TRIM37: variants seen among roughly 807,000 people sequenced by gnomAD.
The protein encoded by TRIM37 is E3 ubiquitin-protein ligase TRIM37.
A neutral mutation model predicts 129.8 loss-of-function variants in TRIM37; 80 were observed. The observed-to-expected ratio is 0.62, with a 90% CI of 0.51 to 0.74. The LOEUF (loss-of-function observed/expected upper bound fraction) is 0.74, where lower values mean the gene tolerates loss of function less well. Ranked by LOEUF, TRIM37 falls within the 30% of genes least tolerant of loss-of-function variation. TRIM37 has a pLI of 0.00. For synonymous variants in TRIM37, 389 were observed against 387.1 expected (o/e 1.00, Z -0.06); for missense variants, 1,054 against 1,176.5 (o/e 0.90, Z 1.52).
intron 19 of TRIM37, among the ~76,000 whole-genome samples, chr17:59,024,926 CAGAAT>C (rs1483677231): frequency 6.6e-6 from 1 of 152,124 alleles, no homozygotes; most frequent in Non-Finnish European, 1.5e-5. Context: ...AAACCAAGAA[CAGAAT>C]AAACATATCC....
chr17:58,980,767 T>C, downstream of TRIM37: 1 of 1,614,186 alleles, frequency 6.2e-7, no homozygotes, highest in Non-Finnish European at 8.5e-7. The surrounding 1 kb of genome is among the most constrained non-coding windows in gnomAD (Gnocchi z 4.7). Flanking sequence ...CTAGATTGTC[T>C]CATTTACGCC....
chr17:59,084,243 T>C (rs2043557685), intron 4 of TRIM37, among the ~76,000 whole-genome samples, 154 bp from the exon 5 acceptor site: 1 of 152,218 alleles, frequency 6.6e-6, no homozygotes, highest in Non-Finnish European at 1.5e-5. Flanking sequence ...AAAAGGAAGC[T>C]AAAGAAGTTT....
chr17:59,079,958 T>G, intron 6 of TRIM37, 81 bp from the exon 7 acceptor site: 3 of 1,479,570 alleles, frequency 2.0e-6, no homozygotes, highest in East Asian at 2.3e-5. Context: ...TTGCCAAGAA[T>G]AGATAATATG....
At chr17:59,025,402 T>C (rs557216597) in intron 19 of TRIM37, among the ~76,000 whole-genome samples, 2 of 151,230 alleles carry the variant, frequency 1.3e-5, no homozygotes, top group Admixed American at 1.3e-4. Context: ...ATAATATTAT[T>C]AATATTCATG....
chr17:59,106,571 C>T lies in TRIM37; in HGVS notation c.-110G>A. The T allele has an allele frequency of 7.4e-7, 1 of 1,356,818 alleles. No homozygotes were observed. The highest frequency in any genetic ancestry group is 1.0e-6 in the Non-Finnish European group (1 of 968,472). 84.0% of individuals were successfully genotyped at this position (1,356,818 alleles called of 1,614,324 possible). On this transcript the variant is annotated 5_prime_UTR_variant, in exon 1 of 24. Transcript: ENST00000262294. ...AAATCGCCGATAAAAGCCCGGCGCC[C>T]ACGTCAGGGGGCTCTGACAACCGCC... is the stretch of plus-strand genomic sequence containing the variant.
At chr17:59,054,458 T>C (rs977235275) in intron 13 of TRIM37, among the ~76,000 whole-genome samples, 4 of 151,524 alleles carry the variant, frequency 2.6e-5, no homozygotes, top group African/African-American at 9.7e-5. Context: ...CCTGCCACCA[T>C]GCCCAGCTAA....
At chr17:59,098,460 T>C (rs1457585781) in intron 2 of TRIM37, among the ~76,000 whole-genome samples, 1 of 150,710 alleles carries the variant, frequency 6.6e-6, no homozygotes, top group African/African-American at 2.4e-5. Context: ...AGCCCAGGAG[T>C]TTGAGGCCAG....
At chr17:59,045,941 A>G (rs926121222) in intron 16 of TRIM37, among the ~76,000 whole-genome samples, 2 of 151,358 alleles carry the variant, frequency 1.3e-5, no homozygotes, top group Non-Finnish European at 2.9e-5. Flanking sequence ...ACTTGAACCC[A>G]GGAGATGGAG....
intron 1 of TRIM37, 180 bp from the exon 2 acceptor site, chr17:59,104,574 C>T: frequency 1.3e-6 from 1 of 762,934 alleles, no homozygotes; most frequent in Non-Finnish European, 2.4e-6. Flanking sequence ...GGAAAATGTA[C>T]TCCCGTTTGG....
In TRIM37 at chr17:59,028,680, T is replaced by C; in HGVS notation, c.1992A>G (p.Ala664=). ...RKDKDQRKQQ[A]MWRVPSDLKM... ...TTAAATCAGAGGGCACTCGCCACAT[T>C]GCCTGTTGCTTCCTTTGGTCTTTAT... The change falls in exon 19 of 24, where the codon GCA becomes GCG. Residue 664 remains alanine, a synonymous_variant. Coordinates refer to ENST00000262294, the MANE Select transcript of TRIM37 (RefSeq NM_015294.6). The C allele has an allele frequency of 6.2e-7, 1 of 1,614,234 alleles. No individual in the cohort carries two copies.
At position 59,015,603 on chromosome 17, in the gene TRIM37, A is replaced by C; in HGVS notation, c.2576+7T>G. ...TACCATTACATATACAAAACAACTTAATTTACCCCAAGGTGACCATTTTCC... is the reference window on the plus strand; with the variant it reads ...TACCATTACATATACAAAACAACTTCATTTACCCCAAGGTGACCATTTTCC... On this transcript the variant is annotated splice_region_variant and intron_variant, in intron 21 of 23. Transcript: ENST00000262294. The C allele has an allele frequency of 1.2e-6, 2 of 1,613,984 alleles. No homozygotes were observed. Among genetic ancestry groups the C allele is most frequent in the South Asian group, 1.1e-5 (1 of 91,074 alleles).
At chr17:59,008,149 C>G (rs959308213) in intron 22 of TRIM37, among the ~76,000 whole-genome samples, 2 of 152,318 alleles carry the variant, frequency 1.3e-5, no homozygotes, top group Admixed American at 6.5e-5. Flanking sequence ...CCTGTACTAC[C>G]TTCTCTCAGC....
intron 22 of TRIM37, among the ~76,000 whole-genome samples, chr17:59,003,791 T>C (rs1445536650): frequency 1.3e-5 from 2 of 151,526 alleles, no homozygotes; most frequent in Non-Finnish European, 2.9e-5. Context: ...TAAAGCTAGA[T>C]AAAATGCTCA....
chr17:59,028,482 G>C lies in TRIM37; in HGVS notation c.2190C>G (p.Gly730=). ...ALAACGTENS[G]RLQDLGMELL... Reference sequence around the variant, plus strand: ...GTTCCATTCCCAAATCCTGCAATCTGCCAGAGTTTTCAGTTCCACATGCAG... The same window carrying C: ...GTTCCATTCCCAAATCCTGCAATCTCCCAGAGTTTTCAGTTCCACATGCAG... The change falls in exon 19 of 24, where the codon GGC becomes GGG. Residue 730 remains glycine (G), a synonymous_variant. Coordinates refer to ENST00000262294, the MANE Select transcript of TRIM37 (RefSeq NM_015294.6). 1 of 1,614,090 alleles carries C rather than the reference G, an allele frequency of 6.2e-7. No individual in the cohort carries two copies.
chr17:59,053,833 A>G (rs1228765196), intron 13 of TRIM37, among the ~76,000 whole-genome samples: 1 of 152,174 alleles, frequency 6.6e-6, no homozygotes, highest in East Asian at 1.9e-4. Flanking sequence ...GCACCGTGGC[A>G]TGCACCTGTA....
chr17:58,979,735 AG>A (rs1407942919), downstream of TRIM37, among the ~76,000 whole-genome samples: 1 of 152,230 alleles, frequency 6.6e-6, no homozygotes, highest in Non-Finnish European at 1.5e-5. Flanking sequence ...TCAGAGTCTA[AG>A]CTAGGTAAGG....
intron 21 of TRIM37, among the ~76,000 whole-genome samples, chr17:59,014,567 A>G (rs1316302511): frequency 6.6e-6 from 1 of 152,112 alleles, no homozygotes; most frequent in Non-Finnish European, 1.5e-5. Context: ...GGATACTTTG[A>G]TAACAGGAGA....
intron 17 of TRIM37, among the ~76,000 whole-genome samples, chr17:59,037,341 AAGATCAGG>A (rs764824605): frequency 2.8e-4 from 43 of 151,744 alleles, no homozygotes; most frequent in Non-Finnish European, 5.4e-4. Context: ...GGCAGATCAC[AAGATCAGG>A]AGATCGAGAC....
intron 17 of TRIM37, among the ~76,000 whole-genome samples, 168 bp from the exon 18 acceptor site, chr17:59,032,258 G>T (rs2037934177): frequency 6.6e-6 from 1 of 152,140 alleles, no homozygotes. Context: ...GGGCGCGGTG[G>T]CTCACGCCTG....
Sources: gnomAD v4.1 joint callset for allele counts (sites outside exome capture counted in the v4.1 genomes callset) on GRCh38, gnomAD v4.1.1 for gene constraint, Gnocchi (gnomAD v3.1) non-coding constraint, MANE v1.5 for transcripts, NCBI Gene and HGNC (gene_info 2026-07-23, HGNC 2026-07-21) for gene names.